HSPG2: variants seen among roughly 807,000 people sequenced by gnomAD.
HSPG2 encodes basement membrane-specific heparan sulfate proteoglycan core protein.
HSPG2 carries 278 observed loss-of-function variants against 526.6 expected under a neutral mutation model. The observed-to-expected ratio is 0.53, with a 90% confidence interval of 0.48 to 0.58. HSPG2 has a LOEUF of 0.58. Ranked by LOEUF, HSPG2 falls within the 20% of genes least tolerant of loss-of-function variation. The probability of loss-of-function intolerance (pLI) is 0.00; values close to 1 mark genes in which losing one functional copy is unlikely to be tolerated. For missense variants in HSPG2, 5,354 were observed against 6,099.5 expected, an observed-to-expected ratio of 0.88 and a Z score of 4.07; for synonymous variants, 2,465 against 2,555.4, an observed-to-expected ratio of 0.96 and a Z score of 1.07.
chr1:21,822,373 G>T lies in HSPG2; in HGVS notation c.*943C>A. On this transcript the variant is annotated 3_prime_UTR_variant, in exon 97 of 97. Transcript: ENST00000374695. Reference sequence around the variant, plus strand: ...CACTGGCAGGATGGCACTTGAGCTGGATCTTCAGGCTCCTGCAGATGGGGC... The same window carrying T: ...CACTGGCAGGATGGCACTTGAGCTGTATCTTCAGGCTCCTGCAGATGGGGC... The T allele has an allele frequency of 1.4e-6, 1 of 711,796 alleles. No individual in the cohort carries two copies. The highest frequency in any genetic ancestry group is 2.4e-6 in the Non-Finnish European group (1 of 408,864). The allele number at this position is 711,796 out of a possible 1,614,324, so 44.1% of individuals were successfully genotyped here.
At chr1:21,927,051 C>G (rs866820301) in intron 1 of HSPG2, among the ~76,000 whole-genome samples, 17 of 152,160 alleles carry the variant, frequency 1.1e-4, no homozygotes, top group African/African-American at 3.9e-4. Flanking sequence ...GAGGTGGTGG[C>G]AGGGACCCGG....
rs1367359857 is a variant in HSPG2 at position 21,876,000 on chromosome 1, T to C, written c.3046A>G (p.Arg1016Gly). 6.2e-7 allele frequency: 1 copy of C among 1,614,146 alleles called. No individual in the cohort carries two copies. Among genetic ancestry groups the C allele is most frequent in the South Asian group, 1.1e-5 (1 of 91,084 alleles). ...AGGGGTGTGGAGCCCGGCTGGGACC[T>C]CTGGGTCACTGTGAAGCGCAGCTCT... is the stretch of plus-strand genomic sequence containing the variant. The part of the protein sequence containing the change: ...GGELRFTVTQ[R>G]SQPGSTPLHG... Residue 1016 changes from arginine to glycine, a missense_variant, in exon 24 of 97, where the codon AGG becomes GGG. Arg to Gly is a moderately radical substitution (Grantham distance 125, BLOSUM62 -2). Transcript: ENST00000374695.
At position 21,905,261 on chromosome 1, in the gene HSPG2, C is replaced by CCACA. The variant is rs112940334; in HGVS notation, c.64-8955_64-8952dup. On this transcript the variant is annotated intron_variant, in intron 1 of 96. Coordinates refer to ENST00000374695, the MANE Select transcript of HSPG2 (RefSeq NM_005529.7). ...TACACACACACCCACCCACACACACCCACACACACACACACACACGCCACG... is the reference window on the plus strand; with the variant it reads ...TACACACACACCCACCCACACACACCCACACACACACACACACACACACGCCACG... 6.1e-3 allele frequency among the ~76,000 whole-genome samples: 890 copies of CCACA among 146,182 alleles called. 5 individuals are homozygous for CCACA. The highest frequency in any genetic ancestry group is 8.8e-3 in the Non-Finnish European group (584 of 66,618).
chr1:21,874,969 G>T lies in HSPG2; in HGVS notation c.3336C>A (p.Pro1112=). 6.2e-7 allele frequency: 1 copy of T among 1,609,426 alleles called. No homozygotes were observed. The highest frequency in any genetic ancestry group is 1.1e-5 in the South Asian group (1 of 90,130). Residue 1112 remains proline, a synonymous_variant, in exon 26 of 97, where the codon CCC becomes CCA. Coordinates refer to ENST00000374695, the MANE Select transcript of HSPG2 (RefSeq NM_005529.7). ...VSGISMDVAV[P]EETGQDPALE... ...GCGCGGGGTCCTGGCCGGTTTCCTCGGGCACAGCCACGTCCATGCTGATGC... is the reference window on the plus strand; with the variant it reads ...GCGCGGGGTCCTGGCCGGTTTCCTCTGGCACAGCCACGTCCATGCTGATGC...
rs920697744 is a variant in HSPG2 at position 21,856,914 on chromosome 1, G to A, written c.5575+101C>T. 2.4e-6 allele frequency: 3 copies of A among 1,258,868 alleles called. No individual in the cohort carries two copies. In the East Asian group the frequency reaches 6.9e-5, roughly 29 times the overall value. The allele number at this position is 1,258,868 out of a possible 1,614,324, so 78.0% of individuals were successfully genotyped here. On this transcript the variant is annotated intron_variant, in intron 44 of 96. Coordinates refer to ENST00000374695, the MANE Select transcript of HSPG2 (RefSeq NM_005529.7). The stretch of plus-strand genomic sequence containing the variant: ...TAGACCAGGACCAGGCATGCAGCAG[G>A]TGCTCAGAAATGATCAGCAGAATGA...
chr1:21,892,327 T>C (rs1207821591), intron 3 of HSPG2, among the ~76,000 whole-genome samples: 2 of 152,212 alleles, frequency 1.3e-5, no homozygotes, highest in African/African-American at 4.8e-5. Context: ...GCCCCTGGCC[T>C]CAGCCCCACG....
chr1:21,859,248 G>A lies in HSPG2; in HGVS notation c.5293+318C>T, dbSNP rs953690790. The stretch of plus-strand genomic sequence containing the variant: ...ATTTGTACTAGAGACAGGGTTTTAC[G>A]ACGTTGGCCAGGCTGGTCTCGAACT... On this transcript the variant is annotated intron_variant, in intron 42 of 96. Transcript: ENST00000374695. The surrounding 1 kb of genome is among the most constrained non-coding windows in gnomAD (Gnocchi z 5.3). Among the ~76,000 whole-genome samples the A allele has an allele frequency of 2.6e-5, 4 of 151,958 alleles. No homozygotes were observed. Among genetic ancestry groups the A allele is most frequent in the South Asian group, 2.1e-4 (1 of 4,816 alleles).
Position 21,887,798 on chromosome 1 carries a change from CT to C in HSPG2, c.704-125del, listed in dbSNP as rs1642046041. On this transcript the variant is annotated intron_variant, in intron 7 of 96. Coordinates refer to ENST00000374695, the MANE Select transcript of HSPG2 (RefSeq NM_005529.7). The surrounding 1 kb of genome is among the most constrained non-coding windows in gnomAD (Gnocchi z 5.0). The stretch of plus-strand genomic sequence containing the variant: ...CCACTCCCTGCCACCCCCTGCCTGG[CT>C]CTGTCATCACCCTTCCTATGCCCCC... The C allele has an allele frequency of 6.4e-7, 1 of 1,556,776 alleles. No homozygotes were observed. The highest frequency in any genetic ancestry group is 8.8e-7 in the Non-Finnish European group (1 of 1,131,850).
In HSPG2 at chr1:21,835,007, G is replaced by A. The variant is rs781766895; in HGVS notation, c.10454-62C>T. ...TCACTGCAGGCCTGGCCCGAGGGAG[G>A]CCATAGACTGCCCAAGGAAAGGTGA... On this transcript the variant is annotated intron_variant, in intron 76 of 96. Coordinates refer to ENST00000374695, the MANE Select transcript of HSPG2 (RefSeq NM_005529.7). 9.5e-6 allele frequency: 15 copies of A among 1,576,050 alleles called. No homozygotes were observed. The East Asian group carries it at 3.1e-4, about 33-fold the overall frequency.
intron 18 of HSPG2, 28 bp from the exon 19 acceptor site, chr1:21,878,691 G>A: frequency 1.3e-6 from 2 of 1,592,186 alleles, no homozygotes; most frequent in Non-Finnish European, 8.6e-7. Flanking sequence ...ACAGGGCATG[G>A]GGCAGGGCTG....
rs764061663 is a variant in HSPG2, at chr1:21,879,086, G to A, written c.2379C>T (p.Asn793=). The A allele has an allele frequency of 2.5e-6, 4 of 1,614,144 alleles. No individual in the cohort carries two copies. The highest frequency in any genetic ancestry group is 1.3e-5 in the African/African-American group (1 of 74,956). ...CQHNTEGPQC[N]KCKAGFFGDA... is the part of the protein sequence containing the mutation. ...CCCCAAAGAAGCCAGCCTTGCACTT[G>A]TTGCACTGTGGCCCCTCCGTGTTGT... Residue 793 remains asparagine, a synonymous_variant, in exon 18 of 97, where the codon AAC becomes AAT. Transcript: ENST00000374695.
intron 62 of HSPG2, 92 bp from the exon 63 acceptor site, chr1:21,846,691 C>T (rs1638465938): frequency 7.1e-7 from 1 of 1,415,388 alleles, no homozygotes; most frequent in Admixed American, 1.7e-5. Context: ...ATCTCACCCC[C>T]CAGAGTAACA....
chr1:21,894,870 C>A (rs541431604), intron 3 of HSPG2, among the ~76,000 whole-genome samples: 115 of 149,382 alleles, frequency 7.7e-4, no homozygotes, highest in African/African-American at 2.5e-3. Flanking sequence ...TCCCAGGCAT[C>A]CTGCAGCCTC....
chr1:21,868,984 A>T, intron 33 of HSPG2: 1 of 409,684 alleles, frequency 2.4e-6, no homozygotes, highest in Non-Finnish European at 2.9e-6. Flanking sequence ...AGGGAAGGGC[A>T]GGTGGTAAGA....
In HSPG2 at chr1:21,896,286, C is replaced by A. The variant is rs762213934; in HGVS notation, c.88G>T (p.Asp30Tyr). 4 of 1,613,508 alleles carry A rather than the reference C, an allele frequency of 2.5e-6. No individual in the cohort carries two copies. The highest frequency in any genetic ancestry group is 1.7e-6 in the Non-Finnish European group (2 of 1,179,980). The stretch of plus-strand genomic sequence containing the variant: ...ATGTCCTCAGGCAGAGACAAGCCAT[C>A]GTATGCCCTCAGCCCATGGGTCACC... ...LAVTHGLRAY[D>Y]GLSLPEDIET... The change falls in exon 2 of 97, where the codon GAT becomes TAT. Residue 30 changes from aspartate (D) to tyrosine (Y), a missense_variant. Asp to Tyr is a radical substitution (Grantham distance 160). Coordinates refer to ENST00000374695, the MANE Select transcript of HSPG2 (RefSeq NM_005529.7).
In HSPG2 at chr1:21,851,609, G is replaced by A. The variant is rs747613348; in HGVS notation, c.7095C>T (p.Pro2365=). Residue 2365 remains proline (P), a synonymous_variant, in exon 55 of 97, where the codon CCC becomes CCT. Transcript: ENST00000374695. ...ACGTGACCTGGGCATGGGACTGCCC[G>A]GGCACCACGCAGTTCAGATCCAGGG... ...GQTLDLNCVV[P]GQSHAQVTWH... The A allele has an allele frequency of 1.1e-5, 18 of 1,609,604 alleles. No individual in the cohort carries two copies. The East Asian group carries it at 1.1e-4, about 10-fold the overall frequency.
rs1305407626 is a variant in HSPG2, at chr1:21,851,772, G to C, written c.7006+19C>G. On this transcript the variant is annotated intron_variant, in intron 54 of 96. Coordinates refer to ENST00000374695, the MANE Select transcript of HSPG2 (RefSeq NM_005529.7). ...AGCCTGTTCTCTGCATCCCAGCCCA[G>C]CCTGGTGGCCCCACTCACGGTAGGC... 2.5e-6 allele frequency: 4 copies of C among 1,613,896 alleles called. No individual in the cohort carries two copies. The African/African-American group carries it at 5.3e-5, about 22-fold the overall frequency.
At position 21,875,962 on chromosome 1, in the gene HSPG2, C is replaced by T. The variant is rs1286037509; in HGVS notation, c.3084G>A (p.Pro1028=). 20 of 1,614,078 alleles carry T rather than the reference C, an allele frequency of 1.2e-5. No individual in the cohort carries two copies. The East Asian group carries it at 2.7e-4, about 22-fold the overall frequency. ...TGTTGTTACCTTGCAGCACCACCAA[C>T]GGCTGCCCGTGCAGGGGTGTGGAGC... is the stretch of plus-strand genomic sequence containing the variant. ...QPGSTPLHGQ[P]LVVLQGNNII... The change falls in exon 24 of 97, where the codon CCG becomes CCA. Residue 1028 remains proline (P), a synonymous_variant. Transcript: ENST00000374695.
chr1:21,823,197 C>G lies in HSPG2; in HGVS notation c.*119G>C, dbSNP rs1446693754. 9 of 1,004,198 alleles carry G rather than the reference C, an allele frequency of 9.0e-6. No homozygotes were observed. Among genetic ancestry groups the G allele is most frequent in the Non-Finnish European group, 1.2e-5 (9 of 727,694 alleles). The allele number at this position is 1,004,198 out of a possible 1,614,324, so 62.2% of individuals were successfully genotyped here. Reference sequence around the variant, plus strand: ...CCTCCAGTCCAGCCCAGGGCGGTAGCAGCAAAGCGTGGCATCGCCTCGGTT... The same window carrying G: ...CCTCCAGTCCAGCCCAGGGCGGTAGGAGCAAAGCGTGGCATCGCCTCGGTT... On this transcript the variant is annotated 3_prime_UTR_variant, in exon 97 of 97. Transcript: ENST00000374695.
Sources: allele counts gnomAD v4.1 joint callset (sites outside exome capture counted in the v4.1 genomes callset), GRCh38; gene constraint gnomAD v4.1.1; non-coding constraint Gnocchi (gnomAD v3.1); transcripts MANE v1.5; gene names NCBI Gene and HGNC (gene_info 2026-07-23, HGNC 2026-07-21).